The following GBP1 variants were observed in gnomAD, a reference collection of about 807,000 sequenced individuals.
GBP1 encodes guanylate binding protein 1, also known as guanylate-binding protein 1.
GBP1 carries 64 observed loss-of-function variants against 69.5 expected under a neutral mutation model. The ratio of observed to expected loss-of-function variants is 0.92; its 90% confidence interval spans 0.75 to 1.13. The LOEUF (loss-of-function observed/expected upper bound fraction) is 1.13. Ranked by LOEUF, GBP1 falls within the 50% of genes most tolerant of loss-of-function variation. The pLI is 0.00. For synonymous variants in GBP1, 250 were observed against 261.2 expected (o/e 0.96, Z 0.41); for missense variants, 630 against 704.1 (o/e 0.89, Z 1.19).
rs778464169 is a variant in GBP1 at position 89,058,187 on chromosome 1, G to T, written c.679C>A (p.Arg227=). The stretch of plus-strand genomic sequence containing the variant: ...CATTTTTTCTTTGGGAAGAATTTCC[G>T]GATACAGAGTCTGGGCAGGTTAAAA... ...ETFNLPRLCI[R]KFFPKKKCFV... Residue 227 remains arginine (R), a synonymous_variant, in exon 6 of 11, where the codon CGG becomes AGG. Coordinates refer to ENST00000370473, the MANE Select transcript of GBP1 (RefSeq NM_002053.3). 1.2e-6 allele frequency: 2 copies of T among 1,613,768 alleles called. No homozygotes were observed. Among genetic ancestry groups the T allele is most frequent in the African/African-American group, 1.3e-5 (1 of 75,000 alleles).
chr1:89,054,322 A>G (rs574754638), intron 10 of GBP1, among the ~76,000 whole-genome samples: 2 of 152,250 alleles, frequency 1.3e-5, no homozygotes, highest in East Asian at 1.9e-4. Flanking sequence ...GGATGGCCTC[A>G]ATCTCCTGAC....
In GBP1 at chr1:89,053,495, T is replaced by C. The variant is rs186561045; in HGVS notation, c.1666-27A>G. On this transcript the variant is annotated intron_variant, in intron 10 of 10. Transcript: ENST00000370473. ...TAAAAAGGGACAAACGAAGGCTGAGTAAAGTGTAGCATCAGGCAAATTGAA... is the reference window on the plus strand; with the variant it reads ...TAAAAAGGGACAAACGAAGGCTGAGCAAAGTGTAGCATCAGGCAAATTGAA... The C allele has an allele frequency of 7.8e-5, 125 of 1,609,124 alleles. 2 individuals are homozygous for C. In the East Asian group the frequency reaches 2.8e-3, roughly 36 times the overall value.
rs778410790 is a variant in GBP1 at position 89,058,796 on chromosome 1, C to A, written c.631+45G>T. ...ATAGTAAACTGAAAAATGATAATTTCTTGTGTTTTCTCATCCTCATTTATC... is the reference window on the plus strand; with the variant it reads ...ATAGTAAACTGAAAAATGATAATTTATTGTGTTTTCTCATCCTCATTTATC... On this transcript the variant is annotated intron_variant, in intron 5 of 10. Transcript: ENST00000370473. The A allele has an allele frequency of 2.1e-5, 33 of 1,590,838 alleles. 1 individual carries two copies. In the South Asian group the frequency reaches 3.3e-4, roughly 16 times the overall value.
intron 2 of GBP1, among the ~76,000 whole-genome samples, chr1:89,062,284 G>A (rs1360514757): frequency 1.3e-5 from 2 of 152,182 alleles, no homozygotes; most frequent in Non-Finnish European, 2.9e-5. Flanking sequence ...GACAGATGAA[G>A]AGATAAACAA....
At chr1:89,058,727 G>T in intron 5 of GBP1, 114 bp downstream of exon 5, 1 of 1,010,616 alleles carries the variant, frequency 9.9e-7, no homozygotes, top group Non-Finnish European at 1.5e-6. Context: ...TCTAGGAATA[G>T]CCAGCTGAAG....
chr1:89,052,473 T>C lies in GBP1; in HGVS notation c.*882A>G, dbSNP rs1287246278. The stretch of plus-strand genomic sequence containing the variant: ...TCAAAAAAAATCCCATATTCTCTTC[T>C]GGGGAAACTCAGAAAGTTTTCAAGT... On this transcript the variant is annotated 3_prime_UTR_variant, in exon 11 of 11. Transcript: ENST00000370473. 1.3e-5 allele frequency: 2 copies of C among 152,188 alleles called. No individual in the cohort carries two copies. Among genetic ancestry groups the C allele is most frequent in the Admixed American group, 6.5e-5 (1 of 15,274 alleles). The allele number at this position is 152,188 out of a possible 1,614,324, so 9.4% of individuals were successfully genotyped here. A position where few individuals can be genotyped will look rare whatever the true frequency, so the allele number is the denominator to read the frequency against.
intron 2 of GBP1, 86 bp from the exon 3 acceptor site, chr1:89,060,410 A>G (rs1335508595): frequency 7.3e-6 from 9 of 1,240,762 alleles, no homozygotes; most frequent in Non-Finnish European, 8.6e-6. Context: ...ATTTAAGGTT[A>G]AGAGAGAGAA....
intron 10 of GBP1, 30 bp from the exon 11 acceptor site, chr1:89,053,498 A>T: frequency 2.5e-6 from 4 of 1,597,376 alleles, no homozygotes; most frequent in Non-Finnish European, 3.4e-6. Context: ...GGCTGAGTAA[A>T]GTGTAGCATC....
intron 6 of GBP1, 104 bp from the exon 7 acceptor site, chr1:89,057,238 A>G: frequency 4.1e-6 from 6 of 1,474,338 alleles, no homozygotes. Flanking sequence ...CACAGCATCA[A>G]TGTCCTCAGC....
At position 89,060,278 on chromosome 1, in the gene GBP1, C is replaced by G. The variant is rs369238719; in HGVS notation, c.237G>C (p.Trp79Cys). 3.1e-6 allele frequency: 5 copies of G among 1,603,278 alleles called. No homozygotes were observed. Among genetic ancestry groups the G allele is most frequent in the Non-Finnish European group, 4.3e-6 (5 of 1,175,548 alleles). Residue 79 changes from tryptophan to cysteine, a missense_variant, in exon 3 of 11, where the codon TGG becomes TGC. Trp to Cys is a radical substitution (Grantham distance 215). This residue lies in a region of GBP1 where 131 missense variants were observed against 138.5 expected (regional missense o/e 0.95). Coordinates refer to ENST00000370473, the MANE Select transcript of GBP1 (RefSeq NM_002053.3). ...TCTTGGGGTGGGGCACACACCACAT[C>G]CAGATTCCTTTAGTGTGAGACTGCA... ...STVQSHTKGI[W>C]MWCVPHPKKP...
rs1220161635 is a variant in GBP1 at position 89,058,056 on chromosome 1, A to G, written c.810T>C (p.Cys270=). The G allele has an allele frequency of 1.9e-6, 3 of 1,614,030 alleles. No individual in the cohort carries two copies. The highest frequency in any genetic ancestry group is 2.7e-5 in the African/African-American group (2 of 74,916). The change falls in exon 6 of 11, where the codon TGT becomes TGC. Residue 270 remains cysteine, a synonymous_variant. Transcript: ENST00000370473. ...TTTTGGAATTACTAAAGATGTAGGA[A>G]CAGAAGTCTGCTACTTGTTGCACAA... The part of the protein sequence containing the change: ...PEFVQQVADF[C]SYIFSNSKTK...
chr1:89,060,575 T>C (rs1680154622), intron 2 of GBP1, among the ~76,000 whole-genome samples: 1 of 152,198 alleles, frequency 6.6e-6, no homozygotes, highest in Admixed American at 6.5e-5. Context: ...ATAAATGCCA[T>C]GTATTAAAAA....
intron 1 of GBP1, among the ~76,000 whole-genome samples, chr1:89,063,513 T>C (rs1159669372): frequency 6.6e-6 from 1 of 152,246 alleles, no homozygotes; most frequent in Non-Finnish European, 1.5e-5. Context: ...GAAAACTTTC[T>C]TTTTGGATTC....
chr1:89,064,224 TGTGTGTGTGTGTGTGTGAGAGAGAGAGA>T (rs1557752224), intron 1 of GBP1, among the ~76,000 whole-genome samples: 1 of 136,940 alleles, frequency 7.3e-6, no homozygotes, highest in Non-Finnish European at 1.6e-5. Flanking sequence ...TGTGTGTGTG[TGTGTGTGTGTGTGTGTGAGAGAGAGAGA>T]GAGAGAGAGA....
intron 6 of GBP1, among the ~76,000 whole-genome samples, chr1:89,057,391 T>C (rs1264654530): frequency 6.6e-6 from 1 of 152,272 alleles, no homozygotes; most frequent in East Asian, 1.9e-4. Context: ...CATAGACTTG[T>C]GTTAATTGAA....
intron 2 of GBP1, among the ~76,000 whole-genome samples, chr1:89,060,593 C>T (rs552054605): frequency 6.6e-6 from 1 of 152,286 alleles, no homozygotes; most frequent in South Asian, 2.1e-4. Context: ...AAACCCACAG[C>T]TAACTTCACA....
At chr1:89,064,513 AC>A (rs1241757224) in intron 1 of GBP1, among the ~76,000 whole-genome samples, 1 of 152,156 alleles carries the variant, frequency 6.6e-6, no homozygotes, top group African/African-American at 2.4e-5. Context: ...GTTGAATTTC[AC>A]TTCTAAGGGA....
intron 2 of GBP1, among the ~76,000 whole-genome samples, chr1:89,061,268 A>C (rs749592121): frequency 6.6e-6 from 1 of 152,180 alleles, no homozygotes; most frequent in South Asian, 2.1e-4. Flanking sequence ...ACAGTTTCTG[A>C]GTTGTGAAAC....
In GBP1 at chr1:89,059,305, A is replaced by T; in HGVS notation, c.428+12T>A. ...TCTGACCTTGGTGCTGTTCTGGGTC[A>T]CAAAAGGATACTACAGTTGGTCCAT... is the stretch of plus-strand genomic sequence containing the variant. On this transcript the variant is annotated intron_variant, in intron 4 of 10. Transcript: ENST00000370473. 1 of 1,614,126 alleles carries T rather than the reference A, an allele frequency of 6.2e-7. No homozygotes were observed. The highest frequency in any genetic ancestry group is 8.5e-7 in the Non-Finnish European group (1 of 1,179,988).
Sources: gnomAD v4.1 joint callset for allele counts (sites outside exome capture counted in the v4.1 genomes callset) on GRCh38, gnomAD v4.1.1 for gene constraint, gnomAD v4.1.1 regional missense constraint, MANE v1.5 for transcripts, NCBI Gene and HGNC (gene_info 2026-07-23, HGNC 2026-07-21) for gene names.